The following SBF2 variants were observed in gnomAD, a reference collection of about 807,000 sequenced individuals.
The protein encoded by SBF2 is myotubularin-related protein 13.
SBF2 carries 112 observed loss-of-function variants against 225.2 expected under a neutral mutation model. The ratio of observed to expected loss-of-function variants is 0.50; its 90% confidence interval spans 0.43 to 0.58. The LOEUF (loss-of-function observed/expected upper bound fraction) is 0.58, where lower values mean the gene tolerates loss of function less well. Among genes scored for constraint, SBF2 ranks in the 20% least tolerant of loss-of-function variants. The pLI is 0.00. For missense variants in SBF2, 1,996 were observed against 2,206.2 expected (o/e 0.90, Z 1.91); for synonymous variants, 763 against 773.3 (o/e 0.99, Z 0.22).
intron 6 of SBF2, among the ~76,000 whole-genome samples, chr11:10,017,627 C>T (rs192638072): frequency 8.7e-4 from 133 of 152,186 alleles, no homozygotes; most frequent in African/African-American, 3.0e-3. Flanking sequence ...ATAGATATGG[C>T]AAGTATTCTA....
chr11:10,015,705 G>A (rs1948622481), intron 6 of SBF2, among the ~76,000 whole-genome samples: 1 of 152,176 alleles, frequency 6.6e-6, no homozygotes, highest in Admixed American at 6.5e-5. Context: ...GGCATTAACA[G>A]ACCTACAAGT....
chr11:10,283,329 G>A (rs547208230), intron 1 of SBF2, among the ~76,000 whole-genome samples: 1 of 151,616 alleles, frequency 6.6e-6, no homozygotes, highest in Non-Finnish European at 1.5e-5. Context: ...ACTACTTCAG[G>A]GGAGAAAACT....
At chr11:10,270,717 G>A (rs1962399199) in intron 1 of SBF2, among the ~76,000 whole-genome samples, 1 of 152,072 alleles carries the variant, frequency 6.6e-6, no homozygotes, top group Non-Finnish European at 1.5e-5. Flanking sequence ...AATGAGGACG[G>A]GCGCGGTGGC....
intron 2 of SBF2, among the ~76,000 whole-genome samples, chr11:10,084,976 G>C (rs73412807): frequency 0.011 from 1,612 of 152,110 alleles, 31 homozygotes; most frequent in African/African-American, 0.036. Context: ...ATTTGTTAAT[G>C]GGTGCAATAT....
At chr11:10,096,031 T>C (rs1043599195) in intron 2 of SBF2, among the ~76,000 whole-genome samples, 1 of 152,098 alleles carries the variant, frequency 6.6e-6, no homozygotes, top group Non-Finnish European at 1.5e-5. Flanking sequence ...CAGTGAACTA[T>C]TTCAAAAGTA....
chr11:9,972,876 A>G (rs1361211371), intron 13 of SBF2, among the ~76,000 whole-genome samples: 1 of 152,240 alleles, frequency 6.6e-6, no homozygotes, highest in Non-Finnish European at 1.5e-5. Context: ...TTAATTTACA[A>G]GCTTGTAAAA....
intron 17 of SBF2, among the ~76,000 whole-genome samples, chr11:9,885,532 T>G (rs1860220263): frequency 6.6e-6 from 1 of 152,112 alleles, no homozygotes; most frequent in South Asian, 2.1e-4. Flanking sequence ...AGACAGTGGG[T>G]AGAAACAGCA....
rs1951127952 is a variant in SBF2, at chr11:10,076,678, A to T, written c.142-33697T>A. Among the ~76,000 whole-genome samples, 3 of 152,218 alleles carry T rather than the reference A, an allele frequency of 2.0e-5. No individual in the cohort carries two copies. In the South Asian group the frequency reaches 6.2e-4, roughly 32 times the overall value. On this transcript the variant is annotated intron_variant, in intron 2 of 39. Coordinates refer to ENST00000256190, the MANE Select transcript of SBF2 (RefSeq NM_030962.4). Reference sequence around the variant, plus strand: ...ATGGGAGGGAGCCCTGCCAGGCTGAAAGCATGGACTTCAGGCAGGTCCCAC... The same window carrying T: ...ATGGGAGGGAGCCCTGCCAGGCTGATAGCATGGACTTCAGGCAGGTCCCAC...
chr11:10,197,391 T>C (rs1957416338), intron 1 of SBF2, among the ~76,000 whole-genome samples: 1 of 152,252 alleles, frequency 6.6e-6, no homozygotes, highest in Admixed American at 6.5e-5. Flanking sequence ...GTAAAAGTTA[T>C]GTTTACACTA....
intron 2 of SBF2, among the ~76,000 whole-genome samples, chr11:10,060,208 C>A (rs973951561): frequency 6.6e-6 from 1 of 152,066 alleles, no homozygotes; most frequent in African/African-American, 2.4e-5. Context: ...TACTACTGAA[C>A]CCACAGAAAC....
At chr11:9,901,322 A>T in intron 16 of SBF2, among the ~76,000 whole-genome samples, 1 of 152,180 alleles carries the variant, frequency 6.6e-6, no homozygotes, top group Non-Finnish European at 1.5e-5. Flanking sequence ...GATAGGACAA[A>T]AAGACTAGCA....
At chr11:10,054,895 GTTTT>G (rs71904271) in intron 2 of SBF2, among the ~76,000 whole-genome samples, 9 of 149,884 alleles carry the variant, frequency 6.0e-5, no homozygotes, top group Admixed American at 2.7e-4. Flanking sequence ...TTGTTTGCAT[GTTTT>G]TTTTTTGTTT....
intron 22 of SBF2, among the ~76,000 whole-genome samples, chr11:9,848,598 C>T (rs752791247): frequency 6.6e-6 from 1 of 152,224 alleles, no homozygotes; most frequent in African/African-American, 2.4e-5. Flanking sequence ...ATTTAAATGA[C>T]CACATAAGTA....
chr11:10,016,645 C>G (rs1308924956), intron 6 of SBF2: 1 of 152,184 alleles, frequency 6.6e-6, no homozygotes, highest in Non-Finnish European at 1.5e-5. Context: ...GGCCACCATG[C>G]CCGGCTAATT....
intron 18 of SBF2, among the ~76,000 whole-genome samples, chr11:9,857,315 C>A (rs1857397659): frequency 6.6e-6 from 1 of 152,098 alleles, no homozygotes; most frequent in African/African-American, 2.4e-5. Context: ...AGGGCTGGCT[C>A]CGGGATAGAC....
Position 9,998,387 on chromosome 11 carries a change from A to G in SBF2, c.862-8T>C, listed in dbSNP as rs1264940064. 2 of 1,471,234 alleles carry G rather than the reference A, an allele frequency of 1.4e-6. No homozygotes were observed. The highest frequency in any genetic ancestry group is 2.8e-5 in the African/African-American group (2 of 72,022). 91.1% of individuals were successfully genotyped at this position (1,471,234 alleles called of 1,614,324 possible). ...TGCTATGATTACATCTAACTGAAAGAGATAAAAAAATTAACCTATAATTAC... is the reference window on the plus strand; with the variant it reads ...TGCTATGATTACATCTAACTGAAAGGGATAAAAAAATTAACCTATAATTAC... On this transcript the variant is annotated splice_polypyrimidine_tract_variant and splice_region_variant and intron_variant, in intron 8 of 39. Coordinates refer to ENST00000256190, the MANE Select transcript of SBF2 (RefSeq NM_030962.4).
intron 1 of SBF2, among the ~76,000 whole-genome samples, chr11:10,292,121 G>T (rs1358295291): frequency 6.6e-6 from 1 of 152,204 alleles, no homozygotes; most frequent in Non-Finnish European, 1.5e-5. Flanking sequence ...TGCTAAACTG[G>T]ATCCTTTTGC....
intron 6 of SBF2, among the ~76,000 whole-genome samples, chr11:10,025,875 A>G (rs1478777447): frequency 3.3e-5 from 5 of 152,180 alleles, no homozygotes; most frequent in African/African-American, 1.2e-4. Flanking sequence ...TGCTGGGATT[A>G]CAGGCATGAG....
intron 17 of SBF2, among the ~76,000 whole-genome samples, chr11:9,880,583 C>T (rs1859679092): frequency 6.6e-6 from 1 of 152,148 alleles, no homozygotes; most frequent in South Asian, 2.1e-4. Flanking sequence ...TTATACTAGC[C>T]TACTAAGTGG....
Sources: gnomAD v4.1 joint callset for allele counts (sites outside exome capture counted in the v4.1 genomes callset) on GRCh38, gnomAD v4.1.1 for gene constraint, MANE v1.5 for transcripts, NCBI Gene and HGNC (gene_info 2026-07-23, HGNC 2026-07-21) for gene names.